Variants in AKR1B15 observed in about 807,000 individuals in gnomAD.
AKR1B15 encodes estradiol 17-beta-dehydrogenase AKR1B15.
A neutral mutation model predicts 38.5 loss-of-function variants in AKR1B15; 49 were observed. The ratio of observed to expected loss-of-function variants is 1.27; its 90% confidence interval spans 1.01 to 1.62. The LOEUF (loss-of-function observed/expected upper bound fraction) is 1.62, where lower values mean the gene tolerates loss of function less well. Among genes scored for constraint, AKR1B15 ranks in the 40% most tolerant of loss-of-function variants. AKR1B15 has a pLI of 0.00. For missense variants in AKR1B15, 411 were observed against 381.6 expected (o/e 1.08, Z -0.64); for synonymous variants, 137 against 135.5 (o/e 1.01, Z -0.08).
At chr7:134,562,945 CTCTT>C (rs1016238432) in intron 2 of AKR1B15, among the ~76,000 whole-genome samples, 7 of 146,954 alleles carry the variant, frequency 4.8e-5, no homozygotes, top group Non-Finnish European at 7.5e-5. Context: ...TTCCTTTACT[CTCTT>C]TCTGTCTTTT....
chr7:134,577,377 C>G (rs1794788831), intron 10 of AKR1B15, among the ~76,000 whole-genome samples: 1 of 152,180 alleles, frequency 6.6e-6, no homozygotes, highest in Non-Finnish European at 1.5e-5. Flanking sequence ...CTGCTCACCT[C>G]CCAGCAGCAG....
In AKR1B15 at chr7:134,560,130, G is replaced by A. The variant is rs114186953; in HGVS notation, c.-23+3271G>A. Among the ~76,000 whole-genome samples the A allele has an allele frequency of 8.0e-3, 1,210 of 151,776 alleles. 16 individuals are homozygous for A. Among genetic ancestry groups the A allele is most frequent in the African/African-American group, 0.028 (1,146 of 41,362 alleles). ...CTAAGAAAAAAAAAAAACTATTAGCGAAAATTCCTTGTAACAAATCCCCTC... is the reference window on the plus strand; with the variant it reads ...CTAAGAAAAAAAAAAAACTATTAGCAAAAATTCCTTGTAACAAATCCCCTC... On this transcript the variant is annotated intron_variant, in intron 2 of 11. Transcript: ENST00000457545.
At chr7:134,561,354 C>T (rs537049313) in intron 2 of AKR1B15, among the ~76,000 whole-genome samples, 12 of 152,258 alleles carry the variant, frequency 7.9e-5, no homozygotes, top group African/African-American at 2.9e-4. Context: ...ACTACAGATA[C>T]GAGCCACCTA....
chr7:134,558,962 T>C (rs1794297543), intron 2 of AKR1B15, among the ~76,000 whole-genome samples: 1 of 152,056 alleles, frequency 6.6e-6, no homozygotes, highest in Admixed American at 6.6e-5. Flanking sequence ...TGCTCCTATG[T>C]ACTGAGACTG....
chr7:134,553,595 A>G (rs1424595065), intron 1 of AKR1B15, among the ~76,000 whole-genome samples: 1 of 152,200 alleles, frequency 6.6e-6, no homozygotes, highest in African/African-American at 2.4e-5. Flanking sequence ...CTCATGCTGT[A>G]GAGACCTTGC....
intron 2 of AKR1B15, among the ~76,000 whole-genome samples, chr7:134,561,600 T>C (rs984421448): frequency 6.6e-6 from 1 of 152,322 alleles, no homozygotes; most frequent in Non-Finnish European, 1.5e-5. Context: ...ATCATGCCAA[T>C]TGCCTTCTAT....
intron 3 of AKR1B15, chr7:134,565,568 C>T (rs56374050): frequency 0.09 from 144,538 of 1,613,184 alleles, 7,466 homozygotes; most frequent in Non-Finnish European, 0.11. Flanking sequence ...AATCTTTGCA[C>T]AACTTTCTTC....
chr7:134,573,734 A>T (rs1236168240), intron 6 of AKR1B15, among the ~76,000 whole-genome samples: 2 of 152,208 alleles, frequency 1.3e-5, no homozygotes, highest in Admixed American at 6.5e-5. Flanking sequence ...ATGATTTCAT[A>T]GCTTCCAAAC....
At chr7:134,577,186 G>A in intron 10 of AKR1B15, 140 bp downstream of exon 10, 2 of 912,020 alleles carry the variant, frequency 2.2e-6, no homozygotes, top group Non-Finnish European at 1.7e-6. Context: ...CCAGCCCAGG[G>A]AGCTAGGCTC....
chr7:134,562,272 T>C (rs1377652536), intron 2 of AKR1B15, among the ~76,000 whole-genome samples: 1 of 152,202 alleles, frequency 6.6e-6, no homozygotes, highest in Non-Finnish European at 1.5e-5. Flanking sequence ...GGAAGATTTA[T>C]TTTGAACAGC....
intron 3 of AKR1B15, among the ~76,000 whole-genome samples, chr7:134,567,143 T>G (rs1425857312): frequency 6.6e-6 from 1 of 152,098 alleles, no homozygotes. Context: ...CTTGCCCAGG[T>G]GGTAGGGTAG....
At position 134,579,484 on chromosome 7, in the gene AKR1B15, T is replaced by TG. The variant is rs753658099; in HGVS notation, c.993-23_993-22insG. 33 of 1,564,576 alleles carry TG rather than the reference T, an allele frequency of 2.1e-5. 1 individual carries two copies. The African/African-American group carries it at 4.1e-4, about 19-fold the overall frequency. On this transcript the variant is annotated intron_variant, in intron 11 of 11. Coordinates refer to ENST00000457545, the MANE Select transcript of AKR1B15 (RefSeq NM_001080538.3). ...TTGCTTTGATGGAACACAGTTTCTT[T>TG]TTTTTTTTCTCTCTCTCTGTAGATT...
At chr7:134,563,549 AAAAC>A (rs575323895) in intron 2 of AKR1B15, among the ~76,000 whole-genome samples, 2 of 152,334 alleles carry the variant, frequency 1.3e-5, no homozygotes, top group Admixed American at 6.5e-5. Flanking sequence ...CTCCGTCTCA[AAAAC>A]AAACAAACAA....
intron 5 of AKR1B15, chr7:134,569,846 A>C (rs764422053): frequency 3.5e-6 from 1 of 289,774 alleles, no homozygotes. Flanking sequence ...ATGTCGCCTC[A>C]GGACCCTGTG....
At chr7:134,561,820 C>T (rs1279130953) in intron 2 of AKR1B15, among the ~76,000 whole-genome samples, 2 of 152,188 alleles carry the variant, frequency 1.3e-5, no homozygotes, top group East Asian at 3.8e-4. Context: ...CAACTAGTTA[C>T]AGCTGACTCC....
chr7:134,578,048 C>T (rs1308542879), intron 11 of AKR1B15, among the ~76,000 whole-genome samples: 1 of 152,120 alleles, frequency 6.6e-6, no homozygotes, highest in Non-Finnish European at 1.5e-5. Flanking sequence ...GCAGAACATT[C>T]ATTTATTCAT....
At chr7:134,564,481 C>A in intron 2 of AKR1B15, 117 bp from the exon 3 acceptor site, 1 of 497,858 alleles carries the variant, frequency 2.0e-6, no homozygotes, top group Non-Finnish European at 3.5e-6. Flanking sequence ...CTTACACCAA[C>A]CTCTGGAGTT....
chr7:134,568,953 C>T (rs1794605554), intron 4 of AKR1B15, among the ~76,000 whole-genome samples: 1 of 151,940 alleles, frequency 6.6e-6, no homozygotes, highest in Non-Finnish European at 1.5e-5. Flanking sequence ...GCAGCCAAGT[C>T]TGGATAAAGC....
intron 2 of AKR1B15, among the ~76,000 whole-genome samples, chr7:134,559,033 C>T (rs573335109): frequency 1.1e-4 from 17 of 152,256 alleles, no homozygotes; most frequent in Non-Finnish European, 1.3e-4. Flanking sequence ...GTGCCGCCAC[C>T]TCCAGAATCA....
Sources: allele counts gnomAD v4.1 joint callset (sites outside exome capture counted in the v4.1 genomes callset), GRCh38; gene constraint gnomAD v4.1.1; transcripts MANE v1.5; gene names NCBI Gene and HGNC (gene_info 2026-07-23, HGNC 2026-07-21).